Variants in AOPEP observed in about 807,000 individuals in gnomAD.
AOPEP encodes the protein aminopeptidase O (putative).
In AOPEP, 77 loss-of-function variants were observed where a neutral mutation model predicts 98.1. That is an observed-to-expected ratio of 0.78 (90% confidence interval 0.65 to 0.95). The LOEUF (loss-of-function observed/expected upper bound fraction) is 0.95. Ranked by LOEUF, AOPEP falls within the 40% of genes least tolerant of loss-of-function variation. The probability of loss-of-function intolerance (pLI) is 0.00; values close to 1 mark genes in which losing one functional copy is unlikely to be tolerated. For missense variants in AOPEP, 1,024 were observed against 1,024.7 expected (o/e 1.00, Z 0.01); for synonymous variants, 346 against 365.3 (o/e 0.95, Z 0.60).
At chr9:94,820,923 CT>C (rs1401379152) in intron 5 of AOPEP, among the ~76,000 whole-genome samples, 1 of 152,168 alleles carries the variant, frequency 6.6e-6, no homozygotes, top group Non-Finnish European at 1.5e-5. Flanking sequence ...GGTCTAAGAC[CT>C]TGTTTAATAA....
intron 7 of AOPEP, among the ~76,000 whole-genome samples, chr9:94,939,503 C>A (rs1327765802): frequency 6.6e-6 from 1 of 151,986 alleles, no homozygotes; most frequent in Non-Finnish European, 1.5e-5. Flanking sequence ...TTGGTCTTGA[C>A]CCAGGATGGT....
chr9:95,013,177 A>G (rs551363516), intron 13 of AOPEP, among the ~76,000 whole-genome samples: 1 of 152,172 alleles, frequency 6.6e-6, no homozygotes, highest in Non-Finnish European at 1.5e-5. Context: ...AATTAATAAA[A>G]TCAATATGTT....
At chr9:94,777,625 C>CT (rs34067261) in intron 3 of AOPEP, among the ~76,000 whole-genome samples, 3,241 of 94,170 alleles carry the variant, frequency 0.034, 444 homozygotes, top group East Asian at 0.045. Flanking sequence ...ATTATATAAT[C>CT]TTTTTTTTTT....
chr9:94,943,604 A>G (rs2057265009), intron 7 of AOPEP, among the ~76,000 whole-genome samples: 1 of 148,762 alleles, frequency 6.7e-6, no homozygotes, highest in African/African-American at 2.5e-5. Flanking sequence ...AAATAAAAAA[A>G]AAAAAGAAAA....
At chr9:95,146,797 G>A in the AOPEP span, among the ~76,000 whole-genome samples, 2 of 151,840 alleles carry the variant, frequency 1.3e-5, no homozygotes, top group East Asian at 3.9e-4. Flanking sequence ...TTTCAAAGTG[G>A]GGTTCAAAGA....
chr9:94,788,924 A>T (rs1309687493), intron 3 of AOPEP, among the ~76,000 whole-genome samples: 1 of 152,272 alleles, frequency 6.6e-6, no homozygotes, highest in African/African-American at 2.4e-5. Flanking sequence ...GGGATGGGCA[A>T]ATAGCCCAGG....
In AOPEP at chr9:94,811,915, G is replaced by A. The variant is rs777650308; in HGVS notation, c.1364+10913G>A. Among the ~76,000 whole-genome samples, 20 of 152,290 alleles carry A rather than the reference G, an allele frequency of 1.3e-4. No individual in the cohort carries two copies. The Middle Eastern group carries it at 0.014, about 104-fold the overall frequency. On this transcript the variant is annotated intron_variant, in intron 5 of 16. Coordinates refer to ENST00000375315, the MANE Select transcript of AOPEP (RefSeq NM_001193329.3). ...ACACATGCTTGTGCTGGCAAGTTGG[G>A]GTGAGGAGAATAAATGGACAGATGA... is the stretch of plus-strand genomic sequence containing the variant.
At chr9:95,051,544 C>T (rs1207205379) in intron 13 of AOPEP, among the ~76,000 whole-genome samples, 1 of 152,092 alleles carries the variant, frequency 6.6e-6, no homozygotes, top group African/African-American at 2.4e-5. Flanking sequence ...GTTATAACTC[C>T]TCATACAGCC....
At chr9:94,852,140 C>T (rs1162348001) in intron 5 of AOPEP, among the ~76,000 whole-genome samples, 1 of 152,114 alleles carries the variant, frequency 6.6e-6, no homozygotes, top group Non-Finnish European at 1.5e-5. Flanking sequence ...TGCCTTATGT[C>T]AGTGTCATCT....
At chr9:94,861,193 C>T (rs530948560) in intron 5 of AOPEP, among the ~76,000 whole-genome samples, 1 of 152,220 alleles carries the variant, frequency 6.6e-6, no homozygotes, top group South Asian at 2.1e-4. Flanking sequence ...TTGTGGCTCT[C>T]GAGGAGGCTT....
At chr9:94,951,091 T>C (rs1183273200) in intron 7 of AOPEP, among the ~76,000 whole-genome samples, 1 of 152,224 alleles carries the variant, frequency 6.6e-6, no homozygotes. Flanking sequence ...TGGTGCCAAG[T>C]ACAACAGAAA....
intron 5 of AOPEP, among the ~76,000 whole-genome samples, chr9:94,852,722 C>G (rs184738729): frequency 2.5e-4 from 38 of 152,184 alleles, no homozygotes; most frequent in Non-Finnish European, 4.7e-4. Context: ...TTTATTCTTA[C>G]GTATTTTATT....
At chr9:95,084,542 T>C (rs1034160934) in intron 16 of AOPEP, among the ~76,000 whole-genome samples, 7 of 152,218 alleles carry the variant, frequency 4.6e-5, no homozygotes, top group African/African-American at 1.7e-4. Flanking sequence ...CGTTTTGTTA[T>C]TTCGTGGCGT....
At chr9:95,121,853 A>T in the AOPEP span, among the ~76,000 whole-genome samples, 1 of 151,680 alleles carries the variant, frequency 6.6e-6, no homozygotes, top group Non-Finnish European at 1.5e-5. Context: ...ATAAACATAA[A>T]ATTCATTTTT....
At chr9:95,021,494 C>T (rs1419643224) in intron 13 of AOPEP, among the ~76,000 whole-genome samples, 2 of 152,224 alleles carry the variant, frequency 1.3e-5, no homozygotes, top group Non-Finnish European at 2.9e-5. Flanking sequence ...TCAACAATAG[C>T]ATTACCTAAT....
the AOPEP span, chr9:95,126,724 G>A: frequency 1.2e-6 from 1 of 807,634 alleles, no homozygotes; most frequent in East Asian, 2.7e-5. Context: ...ACGAACCACT[G>A]CTGTACTGAA....
chr9:94,818,518 G>A, intron 5 of AOPEP, among the ~76,000 whole-genome samples: 1 of 152,172 alleles, frequency 6.6e-6, no homozygotes, highest in East Asian at 1.9e-4. Context: ...TTCAGAAGGA[G>A]CATTTAGAGC....
chr9:94,906,495 C>A (rs903737966), intron 5 of AOPEP, among the ~76,000 whole-genome samples: 2 of 78,136 alleles, frequency 2.6e-5, no homozygotes, highest in African/African-American at 8.7e-5. Flanking sequence ...AAAAACAGAC[C>A]CCCTCTCTAT....
intron 2 of AOPEP, among the ~76,000 whole-genome samples, chr9:94,765,739 A>G (rs1180680002): frequency 1.3e-5 from 2 of 152,076 alleles, no homozygotes; most frequent in Non-Finnish European, 2.9e-5. Context: ...GTAAAGGAGT[A>G]TTTATTATGA....
Sources: allele counts gnomAD v4.1 joint callset (sites outside exome capture counted in the v4.1 genomes callset), GRCh38; gene constraint gnomAD v4.1.1; transcripts MANE v1.5; gene names NCBI Gene and HGNC (gene_info 2026-07-23, HGNC 2026-07-21).